Variants in SYN3 observed in about 807,000 individuals in gnomAD.
SYN3 encodes synapsin-3.
Under a neutral mutation model 65.8 loss-of-function variants are expected in SYN3, and 35 were observed. The ratio of observed to expected loss-of-function variants is 0.53; its 90% CI spans 0.41 to 0.70. SYN3 has a LOEUF of 0.70. SYN3 is among the 30% of genes least tolerant of loss of function. The probability of loss-of-function intolerance (pLI) is 0.00; values close to 1 mark genes in which losing one functional copy is unlikely to be tolerated. For missense variants in SYN3, 680 were observed against 749.0 expected, an observed-to-expected ratio of 0.91 and a Z score of 1.08; for synonymous variants, 270 against 292.9, an observed-to-expected ratio of 0.92 and a Z score of 0.80.
chr22:32,994,975 G>C (rs2052836683), intron 2 of SYN3, among the ~76,000 whole-genome samples: 1 of 152,130 alleles, frequency 6.6e-6, no homozygotes, highest in South Asian at 2.1e-4. Flanking sequence ...GATATTCCAT[G>C]ACCCTGCCTT....
chr22:33,045,557 T>C (rs1489244625), intron 1 of SYN3, among the ~76,000 whole-genome samples: 1 of 136,732 alleles, frequency 7.3e-6, no homozygotes, highest in African/African-American at 2.7e-5. Context: ...AAGCTCTGCC[T>C]CCCGGGTTCA....
chr22:32,887,119 G>A (rs565514600), intron 4 of SYN3, among the ~76,000 whole-genome samples: 1 of 152,214 alleles, frequency 6.6e-6, no homozygotes, highest in Non-Finnish European at 1.5e-5. Context: ...ACTCATGCTT[G>A]TAATCCCAGT....
At chr22:32,920,654 C>T (rs137549) in intron 4 of SYN3, among the ~76,000 whole-genome samples, 149,171 of 152,312 alleles carry the variant, frequency 0.98, 73,056 homozygotes, top group East Asian at 1. Context: ...TCTATTTTGT[C>T]CACTGGTCCC....
At chr22:32,711,706 A>G (rs887326338) in intron 6 of SYN3, among the ~76,000 whole-genome samples, 2 of 152,194 alleles carry the variant, frequency 1.3e-5, no homozygotes, top group African/African-American at 4.8e-5. Flanking sequence ...GGTCTATTCA[A>G]CACTCCTGGG....
intron 6 of SYN3, among the ~76,000 whole-genome samples, chr22:32,805,249 C>T (rs886667364): frequency 6.6e-6 from 1 of 152,176 alleles, no homozygotes; most frequent in African/African-American, 2.4e-5. Context: ...GGGGGGCCGG[C>T]TGCCAGCCCC....
intron 6 of SYN3, among the ~76,000 whole-genome samples, chr22:32,636,242 A>C (rs1048696720): frequency 2.0e-5 from 3 of 151,954 alleles, no homozygotes; most frequent in Non-Finnish European, 2.9e-5. Flanking sequence ...TCTACTAACA[A>C]CACAAAAAAA....
chr22:32,918,006 C>T (rs938348405), intron 4 of SYN3, among the ~76,000 whole-genome samples: 17 of 152,250 alleles, frequency 1.1e-4, no homozygotes, highest in African/African-American at 3.4e-4. Flanking sequence ...ACCCTAAGTG[C>T]CTGACCTTGC....
At chr22:32,791,424 G>C (rs1028567273) in intron 6 of SYN3, among the ~76,000 whole-genome samples, 2 of 151,964 alleles carry the variant, frequency 1.3e-5, no homozygotes, top group African/African-American at 4.8e-5. Flanking sequence ...TCTCCAAGAG[G>C]GGCTGCCGAC....
At chr22:32,978,016 A>G (rs2052258559) in intron 3 of SYN3, among the ~76,000 whole-genome samples, 2 of 152,220 alleles carry the variant, frequency 1.3e-5, no homozygotes. Flanking sequence ...TACCTGATTT[A>G]AATCTGGAAA....
At chr22:32,544,426 A>G (rs2058306707) in intron 7 of SYN3, among the ~76,000 whole-genome samples, 1 of 151,912 alleles carries the variant, frequency 6.6e-6, no homozygotes, top group African/African-American at 2.4e-5. Context: ...TTCATTCCCC[A>G]CTTGCCCCTC....
chr22:32,510,771 G>A lies in SYN3; in HGVS notation c.*2921C>T, dbSNP rs2057681762. ...GGGGAACCTCACCTGCCCTTGTCAG[G>A]AAAGAAGGGGGAAGGGCCCAGGAAC... On this transcript the variant is annotated 3_prime_UTR_variant, in exon 14 of 14. Coordinates refer to ENST00000358763, the MANE Select transcript of SYN3 (RefSeq NM_003490.4). Among the ~76,000 whole-genome samples the A allele has an allele frequency of 6.6e-6, 1 of 152,098 alleles. No homozygotes were observed. Among genetic ancestry groups the A allele is most frequent in the Non-Finnish European group, 1.5e-5 (1 of 68,018 alleles).
At chr22:32,926,404 C>T (rs965159323) in intron 4 of SYN3, among the ~76,000 whole-genome samples, 4 of 152,128 alleles carry the variant, frequency 2.6e-5, no homozygotes, top group Non-Finnish European at 5.9e-5. Flanking sequence ...ATAGTTTTGT[C>T]CATTTTTGAA....
At chr22:32,586,057 TATGTATATATGTATAC>T (rs1569065601) in intron 7 of SYN3, among the ~76,000 whole-genome samples, 1 of 136,856 alleles carries the variant, frequency 7.3e-6, no homozygotes, top group Non-Finnish European at 1.6e-5. Context: ...TATATGTGTA[TATGTATATATGTATAC>T]ATGTATACAT....
intron 6 of SYN3, among the ~76,000 whole-genome samples, chr22:32,824,493 G>C (rs1040654673): frequency 3.3e-4 from 50 of 152,058 alleles, no homozygotes; most frequent in Non-Finnish European, 1.2e-4. Flanking sequence ...GCAGATCCCT[G>C]TCTGGAGCTC....
At chr22:32,625,424 C>T (rs1475880478) in intron 6 of SYN3, among the ~76,000 whole-genome samples, 2 of 152,194 alleles carry the variant, frequency 1.3e-5, no homozygotes, top group African/African-American at 2.4e-5. Flanking sequence ...ACCCCTTTCT[C>T]CCAGCTGGCT....
intron 4 of SYN3, among the ~76,000 whole-genome samples, chr22:32,885,960 T>C (rs2049276436): frequency 6.6e-6 from 1 of 152,222 alleles, no homozygotes; most frequent in African/African-American, 2.4e-5. Context: ...AAGGGGCCTA[T>C]GTTTCCTTGA....
At chr22:32,679,839 C>CTTTTTTTTTTTCTTTTTT (rs2060497942) in intron 6 of SYN3, among the ~76,000 whole-genome samples, 1 of 39,150 alleles carries the variant, frequency 2.6e-5, no homozygotes, top group Non-Finnish European at 4.6e-5. Flanking sequence ...TGTTTTTTGG[C>CTTTTTTTTTTTCTTTTTT]TTTTTTTTTT....
intron 4 of SYN3, chr22:32,931,175 A>G: frequency 2.1e-6 from 1 of 475,320 alleles, no homozygotes; most frequent in Non-Finnish European, 3.8e-6. Context: ...TTTCTCTCCA[A>G]GCCCAGGGCT....
At chr22:32,802,028 G>C (rs1307504329) in intron 6 of SYN3, 2 of 1,576,712 alleles carry the variant, frequency 1.3e-6, no homozygotes, top group African/African-American at 2.7e-5. Flanking sequence ...GGCTCATCGT[G>C]CTCCTGGGCA....
Sources: gnomAD v4.1 joint callset for allele counts (sites outside exome capture counted in the v4.1 genomes callset) on GRCh38, gnomAD v4.1.1 for gene constraint, MANE v1.5 for transcripts, NCBI Gene and HGNC (gene_info 2026-07-23, HGNC 2026-07-21) for gene names.